The following ATP6V0A4 variants were observed in gnomAD, a reference collection of about 807,000 sequenced individuals.
ATP6V0A4 encodes the protein V-type proton ATPase 116 kDa subunit a 4.
ATP6V0A4 carries 86 observed loss-of-function variants against 107.3 expected under a neutral mutation model. The observed-to-expected ratio is 0.80, with a 90% confidence interval of 0.67 to 0.96. ATP6V0A4 has a LOEUF of 0.96. ATP6V0A4 is among the 40% of genes least tolerant of loss of function. The probability of loss-of-function intolerance (pLI) is 0.00; values close to 1 mark genes in which losing one functional copy is unlikely to be tolerated. For synonymous variants in ATP6V0A4, 353 were observed against 381.4 expected, an observed-to-expected ratio of 0.93 and a Z score of 0.87; for missense variants, 908 against 1,045.6, an observed-to-expected ratio of 0.87 and a Z score of 1.81.
intron 19 of ATP6V0A4, among the ~76,000 whole-genome samples, chr7:138,720,733 T>C (rs957275578): frequency 1.3e-5 from 2 of 152,042 alleles, no homozygotes; most frequent in African/African-American, 4.8e-5. Flanking sequence ...GCCTCCCAGG[T>C]TCAAGTGATT....
chr7:138,796,190 C>T (rs1288809081), intron 1 of ATP6V0A4, among the ~76,000 whole-genome samples: 2 of 152,266 alleles, frequency 1.3e-5, no homozygotes, highest in Non-Finnish European at 2.9e-5. Context: ...AGCACAAGGG[C>T]TGTGTGGTCT....
chr7:138,797,175 C>T (rs1808713779), intron 1 of ATP6V0A4, among the ~76,000 whole-genome samples: 1 of 151,770 alleles, frequency 6.6e-6, no homozygotes, highest in Non-Finnish European at 1.5e-5. Flanking sequence ...AAAATTCTAG[C>T]CATCCTTCAA....
At chr7:138,715,737 T>C (rs753779682) in intron 20 of ATP6V0A4, 27 bp downstream of exon 20, 2 of 1,607,930 alleles carry the variant, frequency 1.2e-6, no homozygotes, top group South Asian at 1.1e-5. Context: ...GAGAGCTGAC[T>C]GTCCCCCCGA....
At chr7:138,755,453 G>A (rs1303741282) in intron 10 of ATP6V0A4, among the ~76,000 whole-genome samples, 1 of 152,166 alleles carries the variant, frequency 6.6e-6, no homozygotes, top group African/African-American at 2.4e-5. Context: ...AGGCTGACTA[G>A]GGCTGTGGTC....
At chr7:138,720,534 G>A (rs1300343154) in intron 19 of ATP6V0A4, among the ~76,000 whole-genome samples, 1 of 152,186 alleles carries the variant, frequency 6.6e-6, no homozygotes, top group African/African-American at 2.4e-5. Flanking sequence ...AAGTCTGACA[G>A]ACTTGGTAAT....
intron 10 of ATP6V0A4, among the ~76,000 whole-genome samples, chr7:138,753,887 C>G (rs555508652): frequency 6.6e-6 from 1 of 152,304 alleles, no homozygotes; most frequent in African/African-American, 2.4e-5. Flanking sequence ...CAGCATCAGA[C>G]AGTGTCTAAG....
intron 7 of ATP6V0A4, among the ~76,000 whole-genome samples, chr7:138,760,196 C>A (rs1021122455): frequency 6.6e-6 from 1 of 152,114 alleles, no homozygotes; most frequent in African/African-American, 2.4e-5. Context: ...GTAATCCCAG[C>A]ACTTTGGGAG....
chr7:138,747,728 A>C, intron 12 of ATP6V0A4, 164 bp from the exon 13 acceptor site: 1 of 1,124,360 alleles, frequency 8.9e-7, no homozygotes, highest in Non-Finnish European at 1.2e-6. Flanking sequence ...CTGCCACATA[A>C]ATGAGTGCAT....
intron 20 of ATP6V0A4, among the ~76,000 whole-genome samples, chr7:138,714,228 CCT>C (rs1407906862): frequency 8.0e-6 from 1 of 124,706 alleles, no homozygotes; most frequent in Non-Finnish European, 1.6e-5. Flanking sequence ...AGAGGGAGAC[CCT>C]GTCTTAGGAA....
chr7:138,733,004 A>G lies in ATP6V0A4; in HGVS notation c.1781T>C (p.Ile594Thr), dbSNP rs779720368. The G allele has an allele frequency of 6.2e-7, 1 of 1,614,126 alleles. No homozygotes were observed. The highest frequency in any genetic ancestry group is 1.3e-5 in the African/African-American group (1 of 75,028). ...GTCAAAGCAGCACCATTTGAAAATG[A>G]TCATGAAAACCAGGTATCCAAACAG... ...LCLFGYLVFM[I>T]IFKWCCFDVH... The change falls in exon 17 of 22, where the codon ATC becomes ACC. Residue 594 changes from isoleucine (I) to threonine (T), a missense_variant. Physicochemically the swap from Ile to Thr is moderately conservative, Grantham distance 89. Transcript: ENST00000310018.
Position 138,706,428 on chromosome 7 carries a change from C to T in ATP6V0A4, c.*196G>A, listed in dbSNP as rs1250110515. On this transcript the variant is annotated 3_prime_UTR_variant, in exon 22 of 22. Coordinates refer to ENST00000310018, the MANE Select transcript of ATP6V0A4 (RefSeq NM_020632.3). ...AATACCCCACATGAAGACAATATCA[C>T]TTGCCAAAGTCCTTCCTCTGACGTG... The T allele has an allele frequency of 4.7e-6, 3 of 634,958 alleles. No individual in the cohort carries two copies. Among genetic ancestry groups the T allele is most frequent in the Admixed American group, 5.1e-5 (2 of 39,066 alleles). The allele number at this position is 634,958 out of a possible 1,614,324, so 39.3% of individuals were successfully genotyped here. A position where few individuals can be genotyped will look rare whatever the true frequency, so the allele number is the denominator to read the frequency against.
chr7:138,745,373 G>A, intron 13 of ATP6V0A4, 93 bp from the exon 14 acceptor site: 2 of 1,581,180 alleles, frequency 1.3e-6, no homozygotes, highest in Non-Finnish European at 1.7e-6. Context: ...AGCATCACCG[G>A]TGCAGGCACC....
In ATP6V0A4 at chr7:138,759,771, G is replaced by A. The variant is rs778153241; in HGVS notation, c.620C>T (p.Pro207Leu). 1.9e-6 allele frequency: 3 copies of A among 1,614,124 alleles called. No individual in the cohort carries two copies. The highest frequency in any genetic ancestry group is 1.7e-6 in the Non-Finnish European group (2 of 1,180,026). Reference sequence around the variant, plus strand: ...TCCCACCGTCACAGGATCCTCCAGAGGGGCGTCCATCTCACTGAACTTCAA... The same window carrying A: ...TCCCACCGTCACAGGATCCTCCAGAAGGGCGTCCATCTCACTGAACTTCAA... Reference protein sequence around the residue: ...VYLKFSEMDAPLEDPVTKEEI... With the variant: ...VYLKFSEMDALLEDPVTKEEI... Residue 207 changes from proline (P) to leucine (L), a missense_variant, in exon 8 of 22, where the codon CCT becomes CTT. Coordinates refer to ENST00000310018, the MANE Select transcript of ATP6V0A4 (RefSeq NM_020632.3).
At chr7:138,737,109 CTTATTAAT>C (rs1223960111) in intron 15 of ATP6V0A4, among the ~76,000 whole-genome samples, 2 of 46,346 alleles carry the variant, frequency 4.3e-5, no homozygotes, top group African/African-American at 9.2e-5. Context: ...AAAGTAAGCC[CTTATTAAT>C]ATATATATAT....
chr7:138,756,399 A>G, intron 9 of ATP6V0A4, 59 bp downstream of exon 9: 1 of 1,611,746 alleles, frequency 6.2e-7, no homozygotes, highest in Non-Finnish European at 8.5e-7. Context: ...GGCATTGCAC[A>G]TCTCTTTATC....
Position 138,715,786 on chromosome 7 carries a change from C to T in ATP6V0A4, c.2235G>A (p.Trp745Ter), listed in dbSNP as rs1192252525. Residue 745 changes from tryptophan to a stop codon, truncating the protein, a stop_gained, in exon 20 of 22, where the codon TGG becomes TGA. Coordinates refer to ENST00000310018, the MANE Select transcript of ATP6V0A4 (RefSeq NM_020632.3). LOFTEE classifies it high-confidence loss of function. ...ISNTASYLRL[W>*]ALSLAHAQLS... is the part of the protein sequence containing the mutation. ...CACGTGCATGAGCCAGGCTGAGGGC[C>T]CAGAGCCGCAGGTAGGAGGCTGTGT... The T allele has an allele frequency of 1.2e-6, 2 of 1,613,846 alleles. No homozygotes were observed. Among genetic ancestry groups the T allele is most frequent in the East Asian group, 4.5e-5 (2 of 44,862 alleles).
At chr7:138,725,334 T>C (rs1485294127) in intron 18 of ATP6V0A4, among the ~76,000 whole-genome samples, 1 of 152,184 alleles carries the variant, frequency 6.6e-6, no homozygotes, top group Non-Finnish European at 1.5e-5. Context: ...ATGTTTATAG[T>C]ATCACCATTT....
Position 138,792,766 on chromosome 7 carries a change from G to GTTT in ATP6V0A4, c.-121+5265_-121+5267dup, listed in dbSNP as rs1202969668. The stretch of plus-strand genomic sequence containing the variant: ...GGCTTGCATCACCAAACTCAGGTTT[G>GTTT]TTTTTTTTTTTGTTGTTTTGTTTTT... On this transcript the variant is annotated intron_variant, in intron 1 of 21. Transcript: ENST00000310018. 6.8e-3 allele frequency among the ~76,000 whole-genome samples: 465 copies of GTTT among 68,560 alleles called. 18 individuals are homozygous for GTTT. The highest frequency in any genetic ancestry group is 8.5e-3 in the Non-Finnish European group (304 of 35,966). 45.0% of individuals were successfully genotyped at this position (68,560 alleles called of 152,430 possible).
chr7:138,734,284 T>A, intron 15 of ATP6V0A4, 30 bp from the exon 16 acceptor site: 3 of 1,611,330 alleles, frequency 1.9e-6, no homozygotes, highest in Non-Finnish European at 2.5e-6. Context: ...AAAAACCAAG[T>A]GAGAGAGAGT....
Sources: gnomAD v4.1 joint callset for allele counts (sites outside exome capture counted in the v4.1 genomes callset) on GRCh38, gnomAD v4.1.1 for gene constraint, MANE v1.5 for transcripts, NCBI Gene and HGNC (gene_info 2026-07-23, HGNC 2026-07-21) for gene names.